PKHD1: variants seen among roughly 807,000 people sequenced by gnomAD.
PKHD1 encodes the protein PKHD1 ciliary IPT domain containing fibrocystin/polyductin.
Under a neutral mutation model 412.0 loss-of-function variants are expected in PKHD1, and 291 were observed. That is an observed-to-expected ratio of 0.71 (90% confidence interval 0.64 to 0.78). The LOEUF is 0.78. PKHD1 is among the 30% of genes least tolerant of loss of function. The probability of loss-of-function intolerance (pLI) is 0.00; values close to 1 mark genes in which losing one functional copy is unlikely to be tolerated. For synonymous variants in PKHD1, 1,777 were observed against 1,821.5 expected, an observed-to-expected ratio of 0.98 and a Z score of 0.62; for missense variants, 4,825 against 4,950.7, an observed-to-expected ratio of 0.97 and a Z score of 0.76.
chr6:51,656,018 T>C (rs1321742678), intron 61 of PKHD1, among the ~76,000 whole-genome samples: 2 of 152,162 alleles, frequency 1.3e-5, no homozygotes, highest in African/African-American at 4.8e-5. Flanking sequence ...TTATAAATCA[T>C]TCTACTATAA....
chr6:52,001,164 G>A (rs1554187041), intron 35 of PKHD1, among the ~76,000 whole-genome samples: 1 of 152,052 alleles, frequency 6.6e-6, no homozygotes, highest in Non-Finnish European at 1.5e-5. Flanking sequence ...CTGTGTCATT[G>A]CTGAATAGTT....
At position 52,030,923 on chromosome 6, in the gene PKHD1, A is replaced by C. The variant is rs79951629; in HGVS notation, c.3364+2107T>G. ...CGCTGAAAACAAGTGGATGTGTAAA[A>C]GTTTGAATTTAGCACTGGCAGGCTT... On this transcript the variant is annotated intron_variant, in intron 29 of 66. Coordinates refer to ENST00000371117, the MANE Select transcript of PKHD1 (RefSeq NM_138694.4). Among the ~76,000 whole-genome samples, 4 of 152,296 alleles carry C rather than the reference A, an allele frequency of 2.6e-5. No individual in the cohort carries two copies. In the East Asian group the frequency reaches 7.7e-4, roughly 29 times the overall value.
intron 35 of PKHD1, among the ~76,000 whole-genome samples, chr6:51,964,331 T>A (rs1201872221): frequency 6.6e-6 from 1 of 152,100 alleles, no homozygotes; most frequent in Non-Finnish European, 1.5e-5. Flanking sequence ...ATCTCTGTAA[T>A]CACAGTGTCT....
At chr6:51,835,565 T>G (rs1769063033) in intron 51 of PKHD1, among the ~76,000 whole-genome samples, 1 of 152,154 alleles carries the variant, frequency 6.6e-6, no homozygotes, top group Non-Finnish European at 1.5e-5. Flanking sequence ...CAAGGCATTT[T>G]GAACCACCTA....
chr6:51,979,995 G>A (rs1414308581), intron 35 of PKHD1, among the ~76,000 whole-genome samples: 1 of 152,142 alleles, frequency 6.6e-6, no homozygotes, highest in Middle Eastern at 3.2e-3. Context: ...TTACATCAAT[G>A]TTTCACCTTG....
intron 63 of PKHD1, among the ~76,000 whole-genome samples, chr6:51,646,232 A>G (rs1770065499): frequency 6.6e-6 from 1 of 152,042 alleles, no homozygotes; most frequent in African/African-American, 2.4e-5. Flanking sequence ...CATGATTGGG[A>G]CTCCCTCCGA....
intron 43 of PKHD1, among the ~76,000 whole-genome samples, chr6:51,889,906 T>C (rs1025426293): frequency 6.6e-6 from 1 of 151,994 alleles, no homozygotes; most frequent in African/African-American, 2.4e-5. Context: ...TGAAGGAGGA[T>C]AGAGACCTAG....
At chr6:51,844,945 T>C (rs1770887683) in intron 50 of PKHD1, among the ~76,000 whole-genome samples, 1 of 152,228 alleles carries the variant, frequency 6.6e-6, no homozygotes, top group Non-Finnish European at 1.5e-5. Context: ...TATGTCCACA[T>C]AGACTATGTG....
chr6:51,961,396 T>A (rs532404884), intron 35 of PKHD1, among the ~76,000 whole-genome samples: 3 of 152,190 alleles, frequency 2.0e-5, no homozygotes, highest in African/African-American at 7.2e-5. Flanking sequence ...CTATGACTCA[T>A]CACAATTTAA....
chr6:51,628,072 TTTC>T (rs906697882), intron 65 of PKHD1, among the ~76,000 whole-genome samples: 2 of 152,108 alleles, frequency 1.3e-5, no homozygotes, highest in Non-Finnish European at 2.9e-5. Flanking sequence ...ACCTTTTCTT[TTTC>T]TTTTTCAACT....
At chr6:51,827,915 T>C (rs892711836) in intron 52 of PKHD1, among the ~76,000 whole-genome samples, 4 of 152,132 alleles carry the variant, frequency 2.6e-5, no homozygotes, top group Non-Finnish European at 5.9e-5. Context: ...TAATGGTTCA[T>C]TGCATTAGAA....
chr6:51,833,750 G>A (rs1768685670), intron 51 of PKHD1, among the ~76,000 whole-genome samples: 2 of 152,156 alleles, frequency 1.3e-5, no homozygotes, highest in Non-Finnish European at 2.9e-5. Context: ...CCATATTACA[G>A]TGGATTGAGG....
intron 60 of PKHD1, chr6:51,741,207 T>C (rs1469327023): frequency 1.9e-6 from 1 of 518,652 alleles, no homozygotes; most frequent in African/African-American, 1.9e-5. Context: ...AAATGAACAC[T>C]CTTATGATTA....
intron 45 of PKHD1, among the ~76,000 whole-genome samples, chr6:51,884,409 C>T (rs1266051300): frequency 3.3e-5 from 5 of 152,172 alleles, no homozygotes; most frequent in Admixed American, 6.5e-5. Context: ...ATATACCACA[C>T]TGTCTTGATT....
Position 51,659,762 on chromosome 6 carries a change from G to A in PKHD1, c.10364C>T (p.Ser3455Leu). 2 of 1,613,412 alleles carry A rather than the reference G, an allele frequency of 1.2e-6. No homozygotes were observed. The highest frequency in any genetic ancestry group is 1.7e-6 in the Non-Finnish European group (2 of 1,179,500). Reference protein sequence around the residue: ...NANIPCSTSGSVSTFYSILPI... With the variant: ...NANIPCSTSGLVSTFYSILPI... ...TAAGATAGAATAGAAAGTAGACACT[G>A]ACCCAGAAGTAGAGCAGGGAATATT... The change falls in exon 61 of 67, where the codon TCA (serine) becomes TTA (leucine). Residue 3455 changes from serine to leucine, a missense_variant. Coordinates refer to ENST00000371117, the MANE Select transcript of PKHD1 (RefSeq NM_138694.4).
At chr6:52,015,110 T>G (rs9367471) in intron 34 of PKHD1, among the ~76,000 whole-genome samples, 64,681 of 152,056 alleles carry the variant, frequency 0.43, 15,417 homozygotes, top group Admixed American at 0.56. Context: ...ATTGATATAC[T>G]CTTTTGAGAC....
intron 29 of PKHD1, among the ~76,000 whole-genome samples, chr6:52,028,845 C>T (rs544393484): frequency 1.4e-4 from 21 of 152,226 alleles, no homozygotes; most frequent in African/African-American, 4.8e-4. Flanking sequence ...TGGTCTGTAA[C>T]CTCAATAGTA....
At chr6:51,852,266 CTGTT>C (rs1355327344) in intron 49 of PKHD1, among the ~76,000 whole-genome samples, 30 of 152,140 alleles carry the variant, frequency 2.0e-4, no homozygotes, top group Middle Eastern at 3.4e-3. Flanking sequence ...GTCTGAGAGA[CTGTT>C]TGTTATTATT....
intron 51 of PKHD1, 93 bp from the exon 52 acceptor site, chr6:51,831,082 C>T (rs1180359170): frequency 2.3e-6 from 2 of 862,742 alleles, no homozygotes; most frequent in African/African-American, 1.7e-5. Flanking sequence ...ATTTTCACCT[C>T]CCAAAGAAGC....
Sources: allele counts gnomAD v4.1 joint callset (sites outside exome capture counted in the v4.1 genomes callset), GRCh38; gene constraint gnomAD v4.1.1; transcripts MANE v1.5; gene names NCBI Gene and HGNC (gene_info 2026-07-23, HGNC 2026-07-21).